Variants in ANKS1B observed in about 807,000 individuals in gnomAD.
ANKS1B encodes ankyrin repeat and sterile alpha motif domain containing 1B.
Under a neutral mutation model 148.3 loss-of-function variants are expected in ANKS1B, and 36 were observed. That is an observed-to-expected ratio of 0.24 (90% CI 0.19 to 0.32). The LOEUF (loss-of-function observed/expected upper bound fraction) is 0.32, where lower values mean the gene tolerates loss of function less well. Among genes scored for constraint, ANKS1B ranks in the 10% least tolerant of loss-of-function variants. The probability of loss-of-function intolerance (pLI) is 1.00; values close to 1 mark genes in which losing one functional copy is unlikely to be tolerated. For synonymous variants in ANKS1B, 542 were observed against 560.8 expected (o/e 0.97, Z 0.47); for missense variants, 1,157 against 1,542.6 (o/e 0.75, Z 4.19).
chr12:98,772,755 G>A (rs942887360), intron 25 of ANKS1B, among the ~76,000 whole-genome samples: 5 of 152,054 alleles, frequency 3.3e-5, no homozygotes, highest in Admixed American at 6.5e-5. Context: ...CATATCAGCC[G>A]CCATCTACAA....
At chr12:99,886,949 G>T (rs1398393773) in intron 1 of ANKS1B, among the ~76,000 whole-genome samples, 1 of 152,152 alleles carries the variant, frequency 6.6e-6, no homozygotes, top group African/African-American at 2.4e-5. Context: ...AATTCCTCTA[G>T]AACAACCAGC....
At chr12:99,363,166 A>G (rs1360644470) in intron 12 of ANKS1B, among the ~76,000 whole-genome samples, 1 of 152,128 alleles carries the variant, frequency 6.6e-6, no homozygotes, top group Non-Finnish European at 1.5e-5. Flanking sequence ...TAGAAACTAA[A>G]TGTTTAGAAG....
rs117748651 is a variant in ANKS1B at position 99,765,873 on chromosome 12, C to T, written c.1128+7049G>A. Among the ~76,000 whole-genome samples, 534 of 152,100 alleles carry T rather than the reference C, an allele frequency of 3.5e-3. 20 individuals are homozygous for T. The South Asian group carries it at 0.053, about 15-fold the overall frequency. On this transcript the variant is annotated intron_variant, in intron 8 of 26. Transcript: ENST00000683438. Reference sequence around the variant, plus strand: ...AAAGCCAGAGTAAAATTTTTTTAACCGATGCAGAAACTAAGGCTTGGAAAT... The same window carrying T: ...AAAGCCAGAGTAAAATTTTTTTAACTGATGCAGAAACTAAGGCTTGGAAAT...
At chr12:98,997,548 T>C (rs2099930445) in intron 17 of ANKS1B, among the ~76,000 whole-genome samples, 1 of 151,846 alleles carries the variant, frequency 6.6e-6, no homozygotes, top group Non-Finnish European at 1.5e-5. Flanking sequence ...ACTACAGGTG[T>C]GCCCAGTTAA....
chr12:99,705,789 G>T (rs371133545), intron 8 of ANKS1B, among the ~76,000 whole-genome samples: 3 of 151,996 alleles, frequency 2.0e-5, no homozygotes, highest in Non-Finnish European at 4.4e-5. Context: ...TGACCAGTCC[G>T]GATTTAAATG....
chr12:98,821,574 A>C lies in ANKS1B; in HGVS notation c.3066+7600T>G, dbSNP rs115693510. Among the ~76,000 whole-genome samples the C allele has an allele frequency of 4.2e-3, 646 of 152,286 alleles. 7 individuals are homozygous for C. Among genetic ancestry groups the C allele is most frequent in the African/African-American group, 0.015 (620 of 41,566 alleles). On this transcript the variant is annotated intron_variant, in intron 19 of 26. Coordinates refer to ENST00000683438, the MANE Select transcript of ANKS1B (RefSeq NM_001352186.2). ...TAGCTCAGGGAAGGACACTTGATCC[A>C]ATCCAGGCTCACTGGAACTGATGGA...
intron 10 of ANKS1B, among the ~76,000 whole-genome samples, chr12:99,463,564 G>A (rs1406077814): frequency 6.6e-6 from 1 of 152,190 alleles, no homozygotes; most frequent in Non-Finnish European, 1.5e-5. Context: ...GATGGCACCT[G>A]GAAAATCAGG....
chr12:98,985,721 C>T (rs2099922917), intron 17 of ANKS1B, among the ~76,000 whole-genome samples: 1 of 152,038 alleles, frequency 6.6e-6, no homozygotes, highest in Non-Finnish European at 1.5e-5. Context: ...AACCTCTCAA[C>T]AAATTGTTTA....
At chr12:99,582,959 C>A (rs917423594) in intron 9 of ANKS1B, among the ~76,000 whole-genome samples, 1 of 152,090 alleles carries the variant, frequency 6.6e-6, no homozygotes, top group Non-Finnish European at 1.5e-5. Flanking sequence ...ACCTGTCCCC[C>A]TTTGGTGTAC....
intron 10 of ANKS1B, among the ~76,000 whole-genome samples, chr12:99,462,307 G>C (rs1178422180): frequency 6.6e-6 from 1 of 152,166 alleles, no homozygotes; most frequent in Non-Finnish European, 1.5e-5. Flanking sequence ...TTCAATGTCA[G>C]GTCAACACAA....
At chr12:99,834,725 C>T (rs909541529) in intron 1 of ANKS1B, among the ~76,000 whole-genome samples, 1 of 152,102 alleles carries the variant, frequency 6.6e-6, no homozygotes, top group Non-Finnish European at 1.5e-5. Context: ...TTATACCTTC[C>T]ATCAGTCTAT....
intron 19 of ANKS1B, among the ~76,000 whole-genome samples, chr12:98,814,734 T>G (rs184743707): frequency 6.6e-6 from 1 of 152,216 alleles, no homozygotes; most frequent in Non-Finnish European, 1.5e-5. Context: ...CAAAGCCTCA[T>G]TTAGTTTTTC....
rs1169135096 is a variant in ANKS1B at position 99,984,302 on chromosome 12, A to G, written c.-65T>C. ...CGGGTCCTCCTCCCCACCCACCCCC[A>G]CTCCCCAAAATCCAGGGCCCTCTTC... On this transcript the variant is annotated 5_prime_UTR_variant, in exon 1 of 27. Coordinates refer to ENST00000683438, the MANE Select transcript of ANKS1B (RefSeq NM_001352186.2). The G allele has an allele frequency of 2.8e-6, 2 of 708,164 alleles. No individual in the cohort carries two copies. The highest frequency in any genetic ancestry group is 7.2e-5 in the Admixed American group (2 of 27,954). The allele number at this position is 708,164 out of a possible 1,614,324, so 43.9% of individuals were successfully genotyped here. A position where few individuals can be genotyped will look rare whatever the true frequency, so the allele number is the denominator to read the frequency against.
At chr12:99,528,673 G>T (rs905772017) in intron 9 of ANKS1B, among the ~76,000 whole-genome samples, 6 of 152,072 alleles carry the variant, frequency 3.9e-5, no homozygotes, top group Admixed American at 6.6e-5. Flanking sequence ...GTGTCTAAAA[G>T]CCTAAGTGAT....
At chr12:99,209,124 T>C (rs568928043) in intron 14 of ANKS1B, among the ~76,000 whole-genome samples, 8 of 152,292 alleles carry the variant, frequency 5.3e-5, no homozygotes, top group African/African-American at 1.9e-4. Flanking sequence ...GTGGGTAAAG[T>C]CTGAAGTCTG....
chr12:99,139,457 TTTCA>T (rs1566380992), intron 15 of ANKS1B, among the ~76,000 whole-genome samples: 1 of 85,756 alleles, frequency 1.2e-5, no homozygotes, highest in African/African-American at 4.4e-5. Flanking sequence ...TCTTTCTTTC[TTTCA>T]AGATAGGAGT....
chr12:99,776,663 G>GT (rs36189864), intron 6 of ANKS1B, among the ~76,000 whole-genome samples: 8,038 of 143,726 alleles, frequency 0.056, 264 homozygotes, highest in Non-Finnish European at 0.085. Flanking sequence ...AAATCCTAGG[G>GT]TTTTTTTTGT....
chr12:99,646,876 T>G (rs2098374395), intron 9 of ANKS1B, among the ~76,000 whole-genome samples: 1 of 151,786 alleles, frequency 6.6e-6, no homozygotes, highest in African/African-American at 2.4e-5. Flanking sequence ...ATGTGATGTT[T>G]AAGGCTCTTT....
intron 15 of ANKS1B, among the ~76,000 whole-genome samples, chr12:99,103,763 A>C (rs567186462): frequency 1.3e-5 from 2 of 152,318 alleles, no homozygotes; most frequent in South Asian, 4.1e-4. Flanking sequence ...AATACATTAT[A>C]CATAATACCT....
Sources: allele counts gnomAD v4.1 joint callset (sites outside exome capture counted in the v4.1 genomes callset), GRCh38; gene constraint gnomAD v4.1.1; transcripts MANE v1.5; gene names NCBI Gene and HGNC (gene_info 2026-07-23, HGNC 2026-07-21).